The following MAP3K3 variants were observed in gnomAD, a reference collection of about 807,000 sequenced individuals.
The protein encoded by MAP3K3 is mitogen-activated protein kinase kinase kinase 3.
MAP3K3 carries 12 observed loss-of-function variants against 80.9 expected under a neutral mutation model. The ratio of observed to expected loss-of-function variants is 0.15; its 90% confidence interval spans 0.10 to 0.24. The LOEUF (loss-of-function observed/expected upper bound fraction) is 0.24, where lower values mean the gene tolerates loss of function less well. MAP3K3 is among the 10% of genes least tolerant of loss of function. The pLI is 1.00. For missense variants in MAP3K3, 596 were observed against 834.7 expected (o/e 0.71, Z 3.52); for synonymous variants, 272 against 307.1 (o/e 0.89, Z 1.19).
rs536722173 is a variant in MAP3K3 at position 63,664,991 on chromosome 17, T to C, written c.382-1949T>C. Among the ~76,000 whole-genome samples the C allele has an allele frequency of 2.0e-5, 3 of 151,748 alleles. No individual in the cohort carries two copies. In the South Asian group the frequency reaches 6.2e-4, roughly 31 times the overall value. On this transcript the variant is annotated intron_variant, in intron 5 of 15. Transcript: ENST00000361733. ...TTGGACTCTGTGTCCAGAGGTTCTG[T>C]TGATCTGAGGTGTCAAAATCTCCAC...
At chr17:63,632,628 CT>C (rs2034239532) in intron 1 of MAP3K3, 52 bp from the exon 2 acceptor site, 7 of 1,603,738 alleles carry the variant, frequency 4.4e-6, no homozygotes, top group Non-Finnish European at 6.0e-6. Flanking sequence ...TGTGAAAGAG[CT>C]TTGCTGGTCT....
At chr17:63,638,461 C>G (rs964110339) in intron 2 of MAP3K3, among the ~76,000 whole-genome samples, 8 of 152,168 alleles carry the variant, frequency 5.3e-5, no homozygotes, top group African/African-American at 1.7e-4. Flanking sequence ...TTTTGGGCTA[C>G]ATGTTCAGCT....
chr17:63,654,399 C>T (rs2034722688), intron 4 of MAP3K3, among the ~76,000 whole-genome samples: 2 of 152,038 alleles, frequency 1.3e-5, no homozygotes, highest in Non-Finnish European at 2.9e-5. Context: ...GTATGTCATT[C>T]TATTTTATGG....
chr17:63,689,430 G>T lies in MAP3K3; in HGVS notation c.872-114G>T. The T allele has an allele frequency of 1.2e-6, 1 of 852,576 alleles. No individual in the cohort carries two copies. Among genetic ancestry groups the T allele is most frequent in the Non-Finnish European group, 1.8e-6 (1 of 554,682 alleles). The allele number at this position is 852,576 out of a possible 1,614,324, so 52.8% of individuals were successfully genotyped here. A position where few individuals can be genotyped will look rare whatever the true frequency, so the allele number is the denominator to read the frequency against. ...GGTATTATCTATCACTTCTGGCTGA[G>T]ACCTGGTTTGTATATTCCGCCTTGT... On this transcript the variant is annotated intron_variant, in intron 10 of 15. Coordinates refer to ENST00000361733, the MANE Select transcript of MAP3K3 (RefSeq NM_002401.5). The surrounding 1 kb of genome is among the most constrained non-coding windows in gnomAD (Gnocchi z 4.3).
chr17:63,659,525 CTTTTTT>C (rs57166616), intron 5 of MAP3K3, among the ~76,000 whole-genome samples: 1 of 64,576 alleles, frequency 1.5e-5, no homozygotes, highest in Non-Finnish European at 2.8e-5. Flanking sequence ...CTGTCATGGA[CTTTTTT>C]TTTTTTTTTT....
intron 5 of MAP3K3, among the ~76,000 whole-genome samples, chr17:63,664,471 A>G (rs904743029): frequency 1.3e-5 from 2 of 151,770 alleles, no homozygotes; most frequent in African/African-American, 4.8e-5. Flanking sequence ...AACTAAAGCA[A>G]CCCCTCTCCC....
chr17:63,692,340 C>G lies in MAP3K3; in HGVS notation c.1573C>G (p.Arg525Gly), dbSNP rs368376876. 6.2e-7 allele frequency: 1 copy of G among 1,613,776 alleles called. No individual in the cohort carries two copies. Among genetic ancestry groups the G allele is most frequent in the Non-Finnish European group, 8.5e-7 (1 of 1,179,992 alleles). ...QTICMSGTGM[R>G]SVTGTPYWMS... is the part of the protein sequence containing the mutation. ...GATCTGTATGTCGGGGACGGGCATG[C>G]GCTCCGTCACTGGCACACCCTACTG... is the stretch of plus-strand genomic sequence containing the variant. Residue 525 changes from arginine (R) to glycine (G), a missense_variant, in exon 15 of 16, where the codon CGC becomes GGC. Transcript: ENST00000361733. This position sits in a 1 kb window ranked among gnomAD's most constrained non-coding sequence, Gnocchi z 4.5.
chr17:63,667,822 G>A (rs540162523), intron 6 of MAP3K3, among the ~76,000 whole-genome samples: 41 of 152,078 alleles, frequency 2.7e-4, no homozygotes, highest in Middle Eastern at 3.4e-3. Context: ...GTGGTTGGTT[G>A]AATCCACAGA....
At chr17:63,666,055 A>G (rs1343125326) in intron 5 of MAP3K3, among the ~76,000 whole-genome samples, 1 of 151,928 alleles carries the variant, frequency 6.6e-6, no homozygotes, top group Admixed American at 6.6e-5. Flanking sequence ...TCACTTGATT[A>G]CCTCCAGGGT....
rs755968583 is a variant in MAP3K3 at position 63,691,309 on chromosome 17, G to A, written c.1344+76G>A. ...TGGGGGCTGGGGCCTGCAGGAGGGGGGTCACCTTGGATAGGAGTTTGAACA... is the reference window on the plus strand; with the variant it reads ...TGGGGGCTGGGGCCTGCAGGAGGGGAGTCACCTTGGATAGGAGTTTGAACA... On this transcript the variant is annotated intron_variant, in intron 13 of 15. Coordinates refer to ENST00000361733, the MANE Select transcript of MAP3K3 (RefSeq NM_002401.5). The surrounding 1 kb of genome is among the most constrained non-coding windows in gnomAD (Gnocchi z 4.8). 1 of 1,595,216 alleles carries A rather than the reference G, an allele frequency of 6.3e-7. No individual in the cohort carries two copies. Among genetic ancestry groups the A allele is most frequent in the Admixed American group, 1.7e-5 (1 of 59,638 alleles).
chr17:63,626,256 G>T (rs2034099348), intron 1 of MAP3K3, among the ~76,000 whole-genome samples: 1 of 152,204 alleles, frequency 6.6e-6, no homozygotes, highest in Non-Finnish European at 1.5e-5. Context: ...GCCAGGCATA[G>T]TATTAAGCCC....
At chr17:63,636,406 C>T (rs2034324026) in intron 2 of MAP3K3, among the ~76,000 whole-genome samples, 1 of 152,186 alleles carries the variant, frequency 6.6e-6, no homozygotes, top group Non-Finnish European at 1.5e-5. Flanking sequence ...TGGAAGCCTA[C>T]AGCGTGGTTA....
At chr17:63,679,074 A>G (rs2035278024) in intron 6 of MAP3K3, among the ~76,000 whole-genome samples, 1 of 151,906 alleles carries the variant, frequency 6.6e-6, no homozygotes, top group Admixed American at 6.6e-5. Flanking sequence ...TTGAAAAACA[A>G]TAGTTTAAGC....
intron 1 of MAP3K3, among the ~76,000 whole-genome samples, chr17:63,623,867 G>A (rs1022546869): frequency 6.6e-6 from 1 of 152,206 alleles, no homozygotes; most frequent in African/African-American, 2.4e-5. Context: ...TGAAGAGGGA[G>A]CCTTAATGTT....
intron 1 of MAP3K3, 47 bp from the exon 2 acceptor site, chr17:63,632,634 T>G (rs755843514): frequency 2.2e-5 from 35 of 1,608,240 alleles, no homozygotes; most frequent in South Asian, 1.4e-4. Flanking sequence ...AGAGCTTTGC[T>G]GGTCTGTATT....
At chr17:63,634,420 C>A (rs932014673) in intron 2 of MAP3K3, among the ~76,000 whole-genome samples, 20 of 152,084 alleles carry the variant, frequency 1.3e-4, no homozygotes, top group African/African-American at 4.8e-4. Flanking sequence ...AAAGGAGGGG[C>A]GGAATGGTCA....
intron 5 of MAP3K3, among the ~76,000 whole-genome samples, chr17:63,660,054 T>TC (rs1322754534): frequency 6.6e-6 from 1 of 152,198 alleles, no homozygotes; most frequent in Non-Finnish European, 1.5e-5. Context: ...CCAGCCCAGA[T>TC]ATCATACCTT....
intron 7 of MAP3K3, chr17:63,682,788 T>C (rs1215854230): frequency 6.6e-6 from 1 of 152,234 alleles, no homozygotes; most frequent in East Asian, 1.9e-4. Flanking sequence ...AAACATCACA[T>C]AATCATAGGA....
chr17:63,655,800 T>A lies in MAP3K3; in HGVS notation c.268-1994T>A, dbSNP rs192972221. On this transcript the variant is annotated intron_variant, in intron 4 of 15. Transcript: ENST00000361733. Reference sequence around the variant, plus strand: ...TATCCCCAGCCTACTTGGTTTTTTTTATTTAACTCCCTTCCCAACCATTCT... The same window carrying A: ...TATCCCCAGCCTACTTGGTTTTTTTAATTTAACTCCCTTCCCAACCATTCT... Among the ~76,000 whole-genome samples, 945 of 152,330 alleles carry A rather than the reference T, an allele frequency of 6.2e-3. 8 individuals carry two copies. Among genetic ancestry groups the A allele is most frequent in the African/African-American group, 0.021 (885 of 41,574 alleles).
Sources: allele counts gnomAD v4.1 joint callset (sites outside exome capture counted in the v4.1 genomes callset), GRCh38; gene constraint gnomAD v4.1.1; non-coding constraint Gnocchi (gnomAD v3.1); transcripts MANE v1.5; gene names NCBI Gene and HGNC (gene_info 2026-07-23, HGNC 2026-07-21).